PSPC1: variants seen among roughly 807,000 people sequenced by gnomAD.
The protein encoded by PSPC1 is paraspeckle component 1.
In PSPC1, 14 loss-of-function variants were observed where a neutral mutation model predicts 51.6. The observed-to-expected ratio is 0.27, with a 90% CI of 0.18 to 0.42. PSPC1 has a LOEUF of 0.42. Ranked by LOEUF, PSPC1 falls within the 10% of genes least tolerant of loss-of-function variation. The pLI is 1.00. For missense variants in PSPC1, 406 were observed against 701.1 expected (o/e 0.58, Z 4.75); for synonymous variants, 193 against 231.9 (o/e 0.83, Z 1.53).
chr13:19,754,016 A>G (rs1251346022), intron 3 of PSPC1, among the ~76,000 whole-genome samples: 1 of 151,694 alleles, frequency 6.6e-6, no homozygotes, highest in Non-Finnish European at 1.5e-5. Context: ...CTGAAATAAC[A>G]TGATTTTTTG....
chr13:19,741,453 C>G (rs1566016462), intron 5 of PSPC1, 112 bp downstream of exon 5: 4 of 729,906 alleles, frequency 5.5e-6, no homozygotes, highest in Non-Finnish European at 8.8e-6. Context: ...TTAAAATGGG[C>G]AATTTTTCTA....
At position 19,782,908 on chromosome 13, in the gene PSPC1, C is replaced by G. The variant is rs771100608; in HGVS notation, c.-151G>C. ...AGGCGAGTCGGCAACCCGTCCTCCC[C>G]CAACTCACGCCCGCTGCAGCTGCAC... On this transcript the variant is annotated 5_prime_UTR_variant, in exon 1 of 9. Transcript: ENST00000338910. The surrounding 1 kb of genome is among the most constrained non-coding windows in gnomAD (Gnocchi z 4.5). 39 of 773,604 alleles carry G rather than the reference C, an allele frequency of 5.0e-5. No individual in the cohort carries two copies. The highest frequency in any genetic ancestry group is 6.7e-5 in the Non-Finnish European group (36 of 539,426). 47.9% of individuals were successfully genotyped at this position (773,604 alleles called of 1,614,324 possible). A position where few individuals can be genotyped will look rare whatever the true frequency, so the allele number is the denominator to read the frequency against.
intron 5 of PSPC1, among the ~76,000 whole-genome samples, chr13:19,738,553 C>T (rs1299232318): frequency 6.6e-6 from 1 of 152,150 alleles, no homozygotes; most frequent in South Asian, 2.1e-4. Context: ...CTCTAGATTA[C>T]TTATAATACC....
intron 6 of PSPC1, among the ~76,000 whole-genome samples, chr13:19,721,028 T>C (rs1311186791): frequency 4.0e-5 from 2 of 49,498 alleles, no homozygotes; most frequent in African/African-American, 7.9e-5. Flanking sequence ...TACTTAATAC[T>C]GAACATAGAC....
intron 4 of PSPC1, among the ~76,000 whole-genome samples, chr13:19,743,699 A>G (rs990720779): frequency 6.6e-6 from 1 of 152,210 alleles, no homozygotes; most frequent in African/African-American, 2.4e-5. Flanking sequence ...GGTAGTTCTC[A>G]TAATAGGCCC....
downstream of PSPC1, among the ~76,000 whole-genome samples, chr13:19,673,759 G>A (rs1254420022): frequency 1.3e-5 from 2 of 152,136 alleles, no homozygotes; most frequent in Non-Finnish European, 2.9e-5. Flanking sequence ...AATAGGAATC[G>A]TCAAATAGTT....
At chr13:19,755,980 T>C (rs1488491331) in intron 3 of PSPC1, among the ~76,000 whole-genome samples, 1 of 152,128 alleles carries the variant, frequency 6.6e-6, no homozygotes, top group African/African-American at 2.4e-5. Flanking sequence ...CTCACATCTG[T>C]AATCCCAGCA....
At chr13:19,716,039 A>G (rs1445186786) in intron 6 of PSPC1, among the ~76,000 whole-genome samples, 1 of 152,146 alleles carries the variant, frequency 6.6e-6, no homozygotes, top group Non-Finnish European at 1.5e-5. Flanking sequence ...AAAAAATAAA[A>G]AAATTAAATT....
intron 2 of PSPC1, among the ~76,000 whole-genome samples, chr13:19,770,366 C>T (rs961751596): frequency 6.6e-6 from 1 of 152,188 alleles, no homozygotes; most frequent in Non-Finnish European, 1.5e-5. Context: ...TTTGTTAAAA[C>T]TCACTGAGCT....
downstream of PSPC1, chr13:19,673,480 A>C (rs555650361): frequency 5.3e-6 from 1 of 190,392 alleles, no homozygotes; most frequent in African/African-American, 2.4e-5. Context: ...CAAAACTTTA[A>C]AAGACAGTAG....
rs907796892 is a variant in PSPC1, at chr13:19,775,697, T to A, written c.373-3154A>T. Among the ~76,000 whole-genome samples, 10 of 152,338 alleles carry A rather than the reference T, an allele frequency of 6.6e-5. 1 individual carries two copies. Among genetic ancestry groups the A allele is most frequent in the African/African-American group, 2.4e-4 (10 of 41,582 alleles). ...ACCTAAAAAGAGATGGGTACTTTCTTACCTAATACATCATATAATCCAACA... is the reference window on the plus strand; with the variant it reads ...ACCTAAAAAGAGATGGGTACTTTCTAACCTAATACATCATATAATCCAACA... On this transcript the variant is annotated intron_variant, in intron 1 of 8. Coordinates refer to ENST00000338910, the MANE Select transcript of PSPC1 (RefSeq NM_001354909.2).
intron 4 of PSPC1, among the ~76,000 whole-genome samples, chr13:19,742,074 A>G (rs1276910793): frequency 1.3e-5 from 2 of 152,030 alleles, no homozygotes; most frequent in African/African-American, 4.8e-5. Context: ...GGAGGATGCA[A>G]TGAGTTGAGA....
intron 1 of PSPC1, among the ~76,000 whole-genome samples, chr13:19,781,828 C>G (rs546630817): frequency 1.3e-5 from 2 of 152,240 alleles, no homozygotes; most frequent in Admixed American, 6.5e-5. Flanking sequence ...TACCCTTAAA[C>G]GCATATAGGT....
At chr13:19,751,627 A>G (rs570947420) in intron 3 of PSPC1, among the ~76,000 whole-genome samples, 160 bp from the exon 4 acceptor site, 3 of 152,328 alleles carry the variant, frequency 2.0e-5, no homozygotes, top group Admixed American at 2.0e-4. Flanking sequence ...GAGTTTAAGA[A>G]CTGCCCAAGA....
intron 1 of PSPC1, 105 bp from the exon 2 acceptor site, chr13:19,772,648 C>A: frequency 9.7e-7 from 1 of 1,035,700 alleles, no homozygotes; most frequent in South Asian, 1.7e-5. Context: ...AAATGGCTGA[C>A]AGGGTCAATT....
intron 6 of PSPC1, among the ~76,000 whole-genome samples, chr13:19,691,089 A>G (rs1593535744): frequency 6.6e-6 from 1 of 152,230 alleles, no homozygotes; most frequent in Non-Finnish European, 1.5e-5. Context: ...TGCAATACTC[A>G]TCCAAACACT....
intron 3 of PSPC1, among the ~76,000 whole-genome samples, chr13:19,752,548 C>G (rs1254285255): frequency 6.6e-6 from 1 of 151,998 alleles, no homozygotes; most frequent in Non-Finnish European, 1.5e-5. Flanking sequence ...AGACACCACA[C>G]CTGGTCCCCA....
chr13:19,760,524 T>C (rs1170206898), intron 2 of PSPC1, among the ~76,000 whole-genome samples: 1 of 145,462 alleles, frequency 6.9e-6, no homozygotes, highest in African/African-American at 2.6e-5. Flanking sequence ...TGAGACTCTG[T>C]CACCAAAAAA....
chr13:19,736,510 C>G lies in PSPC1; in HGVS notation c.1052+5055G>C, dbSNP rs1007451911. ...CATCCTGGCTAACACAGTGAAACCC[C>G]ATCTCTACTAAAAATACAAAAAATT... On this transcript the variant is annotated intron_variant, in intron 5 of 8. Transcript: ENST00000338910. Among the ~76,000 whole-genome samples, 9 of 151,910 alleles carry G rather than the reference C, an allele frequency of 5.9e-5. No homozygotes were observed. The East Asian group carries it at 1.8e-3, about 30-fold the overall frequency.
Sources: gnomAD v4.1 joint callset for allele counts (sites outside exome capture counted in the v4.1 genomes callset) on GRCh38, gnomAD v4.1.1 for gene constraint, Gnocchi (gnomAD v3.1) non-coding constraint, MANE v1.5 for transcripts, NCBI Gene and HGNC (gene_info 2026-07-23, HGNC 2026-07-21) for gene names.